GRK5: variants seen among roughly 807,000 people sequenced by gnomAD.
GRK5 encodes G protein-coupled receptor kinase 5.
GRK5 carries 40 observed loss-of-function variants against 78.4 expected under a neutral mutation model. The ratio of observed to expected loss-of-function variants is 0.51; its 90% confidence interval spans 0.40 to 0.66. The LOEUF is 0.66. Ranked by LOEUF, GRK5 falls within the 30% of genes least tolerant of loss-of-function variation. The pLI, the probability that GRK5 is intolerant of heterozygous loss-of-function variation, is 0.00. For missense variants in GRK5, 598 were observed against 759.9 expected (o/e 0.79, Z 2.50); for synonymous variants, 289 against 296.8 (o/e 0.97, Z 0.27).
At chr10:119,237,195 T>C (rs1360339805) in intron 1 of GRK5, among the ~76,000 whole-genome samples, 4 of 151,854 alleles carry the variant, frequency 2.6e-5, no homozygotes, top group Non-Finnish European at 4.4e-5. Flanking sequence ...CTTGAGTAGC[T>C]GGGATTACAG....
At position 119,396,009 on chromosome 10, in the gene GRK5, G is replaced by A. The variant is rs572137938; in HGVS notation, c.262-686G>A. Among the ~76,000 whole-genome samples the A allele has an allele frequency of 2.5e-3, 380 of 152,322 alleles. 1 individual carries two copies. The highest frequency in any genetic ancestry group is 4.0e-3 in the Non-Finnish European group (269 of 68,042). ...TAAAAAACCTGTGTATGTTCACTTT[G>A]TAAACTGAAAAGCTGGAAAAGACCA... On this transcript the variant is annotated intron_variant, in intron 3 of 15. Coordinates refer to ENST00000392870, the MANE Select transcript of GRK5 (RefSeq NM_005308.3).
At chr10:119,242,543 C>T (rs749458505) in intron 1 of GRK5, among the ~76,000 whole-genome samples, 8 of 149,276 alleles carry the variant, frequency 5.4e-5, no homozygotes, top group South Asian at 2.2e-4. Context: ...CTGCTGCACA[C>T]GAGATACACC....
chr10:119,415,800 AGGTGCCAATCCT>A (rs1203073588), intron 4 of GRK5, among the ~76,000 whole-genome samples: 2 of 152,198 alleles, frequency 1.3e-5, no homozygotes, highest in Non-Finnish European at 2.9e-5. Context: ...TCCCAGTCAG[AGGTGCCAATCCT>A]GGCCCCGCCA....
intron 2 of GRK5, chr10:119,335,129 C>CCCCTCTCTCTCTCTCTCT (rs1850852439): frequency 1.0e-4 from 1 of 9,872 alleles, no homozygotes; most frequent in Non-Finnish European, 1.8e-4. Flanking sequence ...GCCTGCCTTG[C>CCCCTCTCTCTCTCTCTCT]CTCTCTCTCT....
intron 1 of GRK5, among the ~76,000 whole-genome samples, chr10:119,218,205 C>G (rs189567172): frequency 6.6e-6 from 1 of 152,092 alleles, no homozygotes; most frequent in African/African-American, 2.4e-5. Context: ...ACTTGAGATC[C>G]TGGTGGGAAG....
At chr10:119,384,478 G>A (rs1014633908) in intron 3 of GRK5, among the ~76,000 whole-genome samples, 21 of 152,182 alleles carry the variant, frequency 1.4e-4, no homozygotes, top group African/African-American at 4.8e-4. Flanking sequence ...CTGTAAGTGG[G>A]GATATAGCTG....
At position 119,439,467 on chromosome 10, in the gene GRK5, G is replaced by A. The variant is rs190846212; in HGVS notation, c.930-264G>A. The stretch of plus-strand genomic sequence containing the variant: ...TCATTGATGTGTGAACAGGGGCCAT[G>A]ACTGGCCTTTTCCTAACTTTCCCAG... On this transcript the variant is annotated intron_variant, in intron 9 of 15. Transcript: ENST00000392870. Among the ~76,000 whole-genome samples the A allele has an allele frequency of 9.2e-5, 14 of 152,358 alleles. No homozygotes were observed. The East Asian group carries it at 2.1e-3, about 23-fold the overall frequency.
chr10:119,246,039 A>AG (rs1468618068), intron 1 of GRK5, among the ~76,000 whole-genome samples: 5 of 140,466 alleles, frequency 3.6e-5, no homozygotes, highest in Admixed American at 2.7e-4. Context: ...AAAAAAAAAA[A>AG]AAAAAAGAAA....
chr10:119,293,981 A>T (rs1412808235), intron 1 of GRK5, among the ~76,000 whole-genome samples: 1 of 151,896 alleles, frequency 6.6e-6, no homozygotes, highest in African/African-American at 2.4e-5. Context: ...AGCATTTTCA[A>T]CCTCCACCCC....
At chr10:119,294,373 C>T (rs1410517198) in intron 1 of GRK5, among the ~76,000 whole-genome samples, 9 of 152,162 alleles carry the variant, frequency 5.9e-5, no homozygotes, top group Admixed American at 5.9e-4. Context: ...CTGCCAGGAC[C>T]TAGGAGTTGG....
chr10:119,347,352 T>A (rs1041294971), intron 2 of GRK5, among the ~76,000 whole-genome samples: 1 of 152,148 alleles, frequency 6.6e-6, no homozygotes, highest in Non-Finnish European at 1.5e-5. Context: ...TGTGTGTGCG[T>A]GTGTGTACAT....
At chr10:119,357,146 A>G (rs1164868529) in intron 2 of GRK5, among the ~76,000 whole-genome samples, 1 of 152,258 alleles carries the variant, frequency 6.6e-6, no homozygotes, top group Admixed American at 6.5e-5. Flanking sequence ...CAAAGTAATG[A>G]AAGTGATCTG....
Position 119,352,697 on chromosome 10 carries a change from C to T in GRK5, c.148+26086C>T, listed in dbSNP as rs190580731. On this transcript the variant is annotated intron_variant, in intron 2 of 15. Coordinates refer to ENST00000392870, the MANE Select transcript of GRK5 (RefSeq NM_005308.3). Reference sequence around the variant, plus strand: ...CGATTATGTCACCTGCCCAAGGCAGCCCCTGCCCACCATCTCATCAACCCT... The same window carrying T: ...CGATTATGTCACCTGCCCAAGGCAGTCCCTGCCCACCATCTCATCAACCCT... Among the ~76,000 whole-genome samples the T allele has an allele frequency of 8.2e-4, 123 of 150,314 alleles. 1 individual carries two copies. Among genetic ancestry groups the T allele is most frequent in the Non-Finnish European group, 1.1e-3 (77 of 67,410 alleles).
At chr10:119,320,767 C>A (rs566172072) in intron 1 of GRK5, among the ~76,000 whole-genome samples, 1 of 152,224 alleles carries the variant, frequency 6.6e-6, no homozygotes, top group Non-Finnish European at 1.5e-5. Context: ...CCAAGGAGAA[C>A]GGGCTGAGCC....
chr10:119,378,601 G>A lies in GRK5; in HGVS notation c.149-2214G>A, dbSNP rs1564910981. Among the ~76,000 whole-genome samples the A allele has an allele frequency of 1.3e-5, 2 of 152,260 alleles. No homozygotes were observed. Among genetic ancestry groups the A allele is most frequent in the Non-Finnish European group, 2.9e-5 (2 of 68,044 alleles). ...TGCTGAGGCCGTGTCCCCGTGTGGT[G>A]AATAAATGCCCGGGAGGGCGGGCTG... is the stretch of plus-strand genomic sequence containing the variant. On this transcript the variant is annotated intron_variant, in intron 2 of 15. Transcript: ENST00000392870. The surrounding 1 kb of genome is among the most constrained non-coding windows in gnomAD (Gnocchi z 4.5).
chr10:119,451,538 G>C (rs1853286104), intron 13 of GRK5, among the ~76,000 whole-genome samples: 1 of 152,186 alleles, frequency 6.6e-6, no homozygotes, highest in African/African-American at 2.4e-5. Context: ...CTGAGCATGT[G>C]AATGATGTGG....
chr10:119,343,199 C>T (rs567039330), intron 2 of GRK5, among the ~76,000 whole-genome samples: 1 of 152,272 alleles, frequency 6.6e-6, no homozygotes, highest in African/African-American at 2.4e-5. Flanking sequence ...ACTAAGAGCC[C>T]AAGGGCGGGG....
At chr10:119,370,910 A>T (rs1235873850) in intron 2 of GRK5, among the ~76,000 whole-genome samples, 2 of 151,126 alleles carry the variant, frequency 1.3e-5, no homozygotes, top group Non-Finnish European at 2.9e-5. Context: ...AAATAAAATA[A>T]ACCTTCAGTT....
At position 119,216,343 on chromosome 10, in the gene GRK5, G is replaced by C. The variant is rs143253695; in HGVS notation, c.52+8374G>C. Among the ~76,000 whole-genome samples the C allele has an allele frequency of 1.1e-3, 165 of 152,368 alleles. 2 individuals are homozygous for C. The highest frequency in any genetic ancestry group is 3.6e-3 in the African/African-American group (148 of 41,588). ...CCTGTGCAGAAAGCAAGGGTAAACA[G>C]ATAAGCTGAGATAAACAGATAAGAA... On this transcript the variant is annotated intron_variant, in intron 1 of 15. Coordinates refer to ENST00000392870, the MANE Select transcript of GRK5 (RefSeq NM_005308.3).
Sources: allele counts gnomAD v4.1 joint callset (sites outside exome capture counted in the v4.1 genomes callset), GRCh38; gene constraint gnomAD v4.1.1; non-coding constraint Gnocchi (gnomAD v3.1); transcripts MANE v1.5; gene names NCBI Gene and HGNC (gene_info 2026-07-23, HGNC 2026-07-21).